Variants in HCN1 observed in about 807,000 individuals in gnomAD.
HCN1 encodes hyperpolarization activated cyclic nucleotide gated potassium channel 1.
A neutral mutation model predicts 78.9 loss-of-function variants in HCN1; 13 were observed. The observed-to-expected ratio is 0.16, with a 90% CI of 0.11 to 0.26. HCN1 has a LOEUF of 0.26. Among genes scored for constraint, HCN1 ranks in the 10% least tolerant of loss-of-function variants. The pLI is 1.00. For synonymous variants in HCN1, 552 were observed against 455.5 expected, an observed-to-expected ratio of 1.21 and a Z score of -2.70; for missense variants, 810 against 1,154.3, an observed-to-expected ratio of 0.70 and a Z score of 4.32.
intron 3 of HCN1, among the ~76,000 whole-genome samples, chr5:45,397,416 G>A (rs1191286358): frequency 6.6e-6 from 1 of 151,918 alleles, no homozygotes; most frequent in Non-Finnish European, 1.5e-5. Flanking sequence ...GCTGACTTCT[G>A]AGATTATTTA....
chr5:45,292,747 C>G (rs962217918), intron 6 of HCN1, among the ~76,000 whole-genome samples: 6 of 151,702 alleles, frequency 4.0e-5, no homozygotes, highest in Admixed American at 1.3e-4. Context: ...GAGCTGGTGA[C>G]AAAGAAGAAG....
chr5:45,324,389 A>C (rs896277187), intron 5 of HCN1, among the ~76,000 whole-genome samples: 1 of 151,962 alleles, frequency 6.6e-6, no homozygotes, highest in South Asian at 2.1e-4. Context: ...CAGCCAAAAA[A>C]CACATGAAAA....
At chr5:45,495,628 C>T (rs924102208) in intron 2 of HCN1, among the ~76,000 whole-genome samples, 1 of 152,164 alleles carries the variant, frequency 6.6e-6, no homozygotes, top group African/African-American at 2.4e-5. Context: ...CCAGAACTTC[C>T]AACACTATGT....
chr5:45,609,514 A>G (rs1201159613), intron 2 of HCN1, among the ~76,000 whole-genome samples: 1 of 152,148 alleles, frequency 6.6e-6, no homozygotes, highest in Non-Finnish European at 1.5e-5. Flanking sequence ...AACAATGTGT[A>G]TAAGTCTCTG....
chr5:45,632,763 A>G (rs1457159203), intron 2 of HCN1, among the ~76,000 whole-genome samples: 1 of 152,028 alleles, frequency 6.6e-6, no homozygotes. Flanking sequence ...GAATCTATCA[A>G]TACATGGATT....
intron 3 of HCN1, among the ~76,000 whole-genome samples, chr5:45,424,050 C>T (rs965775051): frequency 2.1e-4 from 30 of 143,904 alleles, no homozygotes; most frequent in Non-Finnish European, 3.1e-4. Flanking sequence ...CCGAGGAGGG[C>T]GGATCACGAG....
chr5:45,637,689 G>A (rs1745380277), intron 2 of HCN1, among the ~76,000 whole-genome samples: 1 of 151,770 alleles, frequency 6.6e-6, no homozygotes, highest in African/African-American at 2.4e-5. Context: ...AAGGAAAAAA[G>A]TTCTAGAAAA....
At chr5:45,525,190 A>C (rs1204776019) in intron 2 of HCN1, among the ~76,000 whole-genome samples, 3 of 152,126 alleles carry the variant, frequency 2.0e-5, no homozygotes, top group Non-Finnish European at 4.4e-5. Flanking sequence ...CCAGCCTTAC[A>C]TCCCAGGGAT....
At chr5:45,348,159 C>T (rs1045134375) in intron 5 of HCN1, among the ~76,000 whole-genome samples, 2 of 152,156 alleles carry the variant, frequency 1.3e-5, no homozygotes, top group Admixed American at 6.6e-5. Flanking sequence ...AGACTAACAG[C>T]AGATCTCTCA....
chr5:45,355,308 T>C (rs1746987336), intron 4 of HCN1, among the ~76,000 whole-genome samples: 1 of 152,008 alleles, frequency 6.6e-6, no homozygotes, highest in Non-Finnish European at 1.5e-5. Context: ...TAAATGATTA[T>C]TGTATGCCAG....
chr5:45,433,607 C>T (rs1740507315), intron 3 of HCN1, among the ~76,000 whole-genome samples: 1 of 152,066 alleles, frequency 6.6e-6, no homozygotes, highest in Non-Finnish European at 1.5e-5. Flanking sequence ...CAGATACATT[C>T]CTGTCATCAT....
intron 3 of HCN1, among the ~76,000 whole-genome samples, chr5:45,426,604 T>C (rs1209816761): frequency 1.3e-5 from 2 of 152,188 alleles, no homozygotes; most frequent in Non-Finnish European, 2.9e-5. Context: ...TCTGCCATGA[T>C]TGTGAGGCCT....
At chr5:45,313,218 T>C (rs1210629922) in intron 5 of HCN1, among the ~76,000 whole-genome samples, 1 of 152,128 alleles carries the variant, frequency 6.6e-6, no homozygotes, top group African/African-American at 2.4e-5. Flanking sequence ...CAATATTCGA[T>C]GTTCTGCAGC....
At chr5:45,634,454 G>C (rs573385963) in intron 2 of HCN1, among the ~76,000 whole-genome samples, 1 of 152,040 alleles carries the variant, frequency 6.6e-6, no homozygotes, top group Admixed American at 6.6e-5. Flanking sequence ...TGGTCACTTA[G>C]AACTTCAAGA....
chr5:45,267,746 G>C (rs1744889894), intron 6 of HCN1, among the ~76,000 whole-genome samples: 1 of 152,058 alleles, frequency 6.6e-6, no homozygotes, highest in South Asian at 2.1e-4. Context: ...CCAGCCTGGC[G>C]ACAGAGTGAG....
intron 4 of HCN1, among the ~76,000 whole-genome samples, chr5:45,366,983 G>T (rs1032702751): frequency 6.6e-6 from 1 of 151,688 alleles, no homozygotes; most frequent in Non-Finnish European, 1.5e-5. Context: ...TCAGATCCAA[G>T]TATTGATTGG....
At chr5:45,403,901 G>A (rs72762045) in intron 3 of HCN1, among the ~76,000 whole-genome samples, 7,877 of 152,172 alleles carry the variant, frequency 0.052, 491 homozygotes, top group African/African-American at 0.15. Context: ...GAACCTAAGC[G>A]ACTTGCCCAG....
intron 1 of HCN1, among the ~76,000 whole-genome samples, chr5:45,675,176 A>G (rs934049395): frequency 1.3e-5 from 2 of 151,854 alleles, no homozygotes; most frequent in Non-Finnish European, 2.9e-5. Flanking sequence ...GATAATGTGT[A>G]GAACCCATCT....
At chr5:45,474,157 C>G (rs1275093830) in intron 2 of HCN1, among the ~76,000 whole-genome samples, 1 of 151,854 alleles carries the variant, frequency 6.6e-6, no homozygotes, top group Admixed American at 6.6e-5. Context: ...TCAAGGCACT[C>G]CATAACCTTG....
Sources: gnomAD v4.1 joint callset for allele counts (sites outside exome capture counted in the v4.1 genomes callset) on GRCh38, gnomAD v4.1.1 for gene constraint, MANE v1.5 for transcripts, NCBI Gene and HGNC (gene_info 2026-07-23, HGNC 2026-07-21) for gene names.